Variants in PTK2 observed in about 807,000 individuals in gnomAD.
PTK2 encodes the protein protein tyrosine kinase 2.
Under a neutral mutation model 150.1 loss-of-function variants are expected in PTK2, and 45 were observed. The observed-to-expected ratio is 0.30, with a 90% confidence interval of 0.24 to 0.38. The LOEUF (loss-of-function observed/expected upper bound fraction) is 0.38. Ranked by LOEUF, PTK2 falls within the 10% of genes least tolerant of loss-of-function variation. The pLI, the probability that PTK2 is intolerant of heterozygous loss-of-function variation, is 1.00. For synonymous variants in PTK2, 432 were observed against 449.2 expected, an observed-to-expected ratio of 0.96 and a Z score of 0.48; for missense variants, 919 against 1,307.3, an observed-to-expected ratio of 0.70 and a Z score of 4.58.
At chr8:140,763,004 ACT>A (rs1334606453) in intron 15 of PTK2, among the ~76,000 whole-genome samples, 1 of 152,118 alleles carries the variant, frequency 6.6e-6, no homozygotes, top group East Asian at 1.9e-4. Flanking sequence ...TTGGTAACGT[ACT>A]CTTAGACTCA....
intron 1 of PTK2, among the ~76,000 whole-genome samples, chr8:140,937,116 C>A (rs2100173912): frequency 6.6e-6 from 1 of 152,104 alleles, no homozygotes; most frequent in South Asian, 2.1e-4. Flanking sequence ...TAATGTAATA[C>A]AGAAACATGG....
chr8:140,769,542 T>C, intron 14 of PTK2, 33 bp downstream of exon 16: 15 of 1,302,704 alleles, frequency 1.2e-5, no homozygotes, highest in Non-Finnish European at 1.5e-5. Flanking sequence ...AATTATCTCA[T>C]AGCAGTAACA....
intron 17 of PTK2, among the ~76,000 whole-genome samples, chr8:140,749,558 CT>C (rs2100061491): frequency 6.6e-6 from 1 of 152,198 alleles, no homozygotes; most frequent in South Asian, 2.1e-4. Context: ...CTGCCATCTG[CT>C]TTTGTAAATA....
At chr8:140,667,678 A>G (rs1023543454) in intron 30 of PTK2, among the ~76,000 whole-genome samples, 5 of 152,178 alleles carry the variant, frequency 3.3e-5, no homozygotes, top group Non-Finnish European at 5.9e-5. Context: ...GGAAAACATT[A>G]GTTTACTGGC....
chr8:140,819,357 C>T (rs2100106783), intron 8 of PTK2, among the ~76,000 whole-genome samples: 1 of 152,108 alleles, frequency 6.6e-6, no homozygotes, highest in Non-Finnish European at 1.5e-5. Context: ...GCACATTCCA[C>T]TGTTAGGAGG....
At chr8:140,835,636 C>T (rs143662854) in intron 7 of PTK2, among the ~76,000 whole-genome samples, 1 of 152,316 alleles carries the variant, frequency 6.6e-6, no homozygotes, top group African/African-American at 2.4e-5. Context: ...AGGTAAAGTG[C>T]TGCCTTCCCC....
At chr8:140,684,451 T>C (rs996307142) in intron 27 of PTK2, among the ~76,000 whole-genome samples, 6 of 152,278 alleles carry the variant, frequency 3.9e-5, no homozygotes, top group Admixed American at 3.3e-4. Context: ...TAACAGACTA[T>C]GGACCAATAC....
intron 8 of PTK2, among the ~76,000 whole-genome samples, chr8:140,824,224 G>A (rs550526095): frequency 1.3e-5 from 2 of 152,304 alleles, no homozygotes; most frequent in African/African-American, 4.8e-5. Flanking sequence ...GTGTTTGAAA[G>A]TAATAACTAT....
At chr8:140,727,977 C>G (rs2100046927) in intron 22 of PTK2, among the ~76,000 whole-genome samples, 1 of 152,120 alleles carries the variant, frequency 6.6e-6, no homozygotes, top group African/African-American at 2.4e-5. Context: ...GGGTTGATCA[C>G]TTGAGGTGAG....
At chr8:140,725,113 T>C (rs1370598329) in intron 22 of PTK2, among the ~76,000 whole-genome samples, 2 of 152,206 alleles carry the variant, frequency 1.3e-5, no homozygotes, top group Admixed American at 6.5e-5. Context: ...AAAACCCTGA[T>C]ATCCACTAAG....
At chr8:140,866,289 T>A (rs2100139230) in intron 4 of PTK2, among the ~76,000 whole-genome samples, 1 of 152,176 alleles carries the variant, frequency 6.6e-6, no homozygotes, top group South Asian at 2.1e-4. Context: ...GCTCCCATAT[T>A]AAAGATAAGG....
intron 1 of PTK2, among the ~76,000 whole-genome samples, chr8:140,947,636 A>T (rs1344910142): frequency 1.3e-5 from 2 of 151,300 alleles, no homozygotes; most frequent in Admixed American, 6.6e-5. Flanking sequence ...TTTTTTTTTT[A>T]AAGGTAAATA....
At chr8:140,753,941 G>A (rs954991400) in intron 16 of PTK2, among the ~76,000 whole-genome samples, 2 of 152,226 alleles carry the variant, frequency 1.3e-5, no homozygotes, top group Non-Finnish European at 1.5e-5. Flanking sequence ...TAAGTTAGAT[G>A]TGTCATATTT....
chr8:140,674,523 T>C, intron 28 of PTK2, 119 bp from the exon 32 acceptor site: 3 of 828,172 alleles, frequency 3.6e-6, no homozygotes, highest in Admixed American at 2.2e-5. Flanking sequence ...GCAGATCACC[T>C]GAGGTCAGGA....
intron 1 of PTK2, among the ~76,000 whole-genome samples, chr8:140,969,589 T>C (rs2100186524): frequency 6.6e-6 from 1 of 152,160 alleles, no homozygotes; most frequent in Non-Finnish European, 1.5e-5. Flanking sequence ...CTTCTCCTGG[T>C]TTTCTTCTTA....
At position 140,752,223 on chromosome 8, in the gene PTK2, G is replaced by C; in HGVS notation, c.1417+9C>G. ...AAATGGAGTTCCACAGAAATTTCTA[G>C]ACACTTACAGGCTTCTTGAAGAAAT... On this transcript the variant is annotated intron_variant, in intron 17 of 31. Coordinates refer to ENST00000522684, the Ensembl canonical transcript of PTK2. 1 of 1,606,472 alleles carries C rather than the reference G, an allele frequency of 6.2e-7. No individual in the cohort carries two copies.
At chr8:140,768,866 T>C (rs925332653) in intron 14 of PTK2, among the ~76,000 whole-genome samples, 1 of 152,202 alleles carries the variant, frequency 6.6e-6, no homozygotes, top group Non-Finnish European at 1.5e-5. Context: ...TATCAATATC[T>C]CTATCCTATT....
intron 10 of PTK2, among the ~76,000 whole-genome samples, chr8:140,814,506 T>C (rs773011891): frequency 6.6e-6 from 1 of 152,080 alleles, no homozygotes; most frequent in South Asian, 2.1e-4. Context: ...GGTCAACATA[T>C]GCAAATCAAT....
intron 29 of PTK2, among the ~76,000 whole-genome samples, chr8:140,671,652 G>A (rs1221495516): frequency 1.3e-5 from 2 of 151,232 alleles, no homozygotes; most frequent in African/African-American, 2.4e-5. Context: ...GGTGGCTCAT[G>A]CCTGTAATCC....
Sources: allele counts gnomAD v4.1 joint callset (sites outside exome capture counted in the v4.1 genomes callset), GRCh38; gene constraint gnomAD v4.1.1; transcripts MANE v1.5; gene names NCBI Gene and HGNC (gene_info 2026-07-23, HGNC 2026-07-21).